Variants in DNM3 observed in about 807,000 individuals in gnomAD.
DNM3 encodes the protein dynamin-3.
DNM3 carries 47 observed loss-of-function variants against 101.6 expected under a neutral mutation model. The observed-to-expected ratio is 0.46, with a 90% CI of 0.37 to 0.59. DNM3 has a LOEUF of 0.59. Among genes scored for constraint, DNM3 ranks in the 20% least tolerant of loss-of-function variants. The pLI is 0.00. For missense variants in DNM3, 849 were observed against 1,085.7 expected, an observed-to-expected ratio of 0.78 and a Z score of 3.06; for synonymous variants, 385 against 387.9, an observed-to-expected ratio of 0.99 and a Z score of 0.09.
chr1:172,099,181 G>A lies in DNM3; in HGVS notation c.1545+6306G>A, dbSNP rs944638541. 9.2e-5 allele frequency among the ~76,000 whole-genome samples: 14 copies of A among 152,324 alleles called. No individual in the cohort carries two copies. In the East Asian group the frequency reaches 1.9e-3, roughly 21 times the overall value. On this transcript the variant is annotated intron_variant, in intron 13 of 20. Transcript: ENST00000627582. ...TCTCACATGAGTAGCTTTAATTGAT[G>A]TATTAATCAGGATAGATTAACCAGG...
chr1:172,323,940 A>G (rs1573471185), intron 17 of DNM3, among the ~76,000 whole-genome samples: 1 of 152,160 alleles, frequency 6.6e-6, no homozygotes, highest in Non-Finnish European at 1.5e-5. Context: ...GGGGTGGCCA[A>G]AATGTGTATG....
chr1:171,983,137 C>T (rs989530941), intron 2 of DNM3, among the ~76,000 whole-genome samples: 7 of 152,052 alleles, frequency 4.6e-5, no homozygotes, highest in African/African-American at 1.7e-4. Flanking sequence ...CCCTTCTCTC[C>T]TCTTCTTTAC....
chr1:171,981,972 T>A (rs1012130761), intron 2 of DNM3, among the ~76,000 whole-genome samples: 1 of 152,188 alleles, frequency 6.6e-6, no homozygotes, highest in Non-Finnish European at 1.5e-5. Context: ...ACTACTCACA[T>A]TGATGCTGGG....
rs538636548 is a variant in DNM3, at chr1:172,235,910, G to A, written c.1660-17663G>A. Reference sequence around the variant, plus strand: ...ACCTAATGCTACATGACGAGTTAATGGGTGCAGCACACCAACATGACACAT... The same window carrying A: ...ACCTAATGCTACATGACGAGTTAATAGGTGCAGCACACCAACATGACACAT... On this transcript the variant is annotated intron_variant, in intron 14 of 20. Transcript: ENST00000627582. 3.3e-4 allele frequency among the ~76,000 whole-genome samples: 50 copies of A among 152,190 alleles called. 1 individual carries two copies. Among genetic ancestry groups the A allele is most frequent in the African/African-American group, 1.1e-3 (46 of 41,522 alleles).
At chr1:172,155,300 A>T (rs1383558844) in intron 14 of DNM3, among the ~76,000 whole-genome samples, 1 of 151,964 alleles carries the variant, frequency 6.6e-6, no homozygotes, top group Non-Finnish European at 1.5e-5. Flanking sequence ...TTGCAAAAAA[A>T]AAAAAACCTG....
At chr1:171,927,664 C>T (rs1472092851) in intron 2 of DNM3, among the ~76,000 whole-genome samples, 2 of 152,078 alleles carry the variant, frequency 1.3e-5, no homozygotes, top group African/African-American at 4.8e-5. Context: ...ACATATACAC[C>T]ATGGAATACT....
intron 14 of DNM3, among the ~76,000 whole-genome samples, chr1:172,198,425 C>T (rs1220034482): frequency 1.3e-5 from 2 of 152,024 alleles, no homozygotes. Context: ...TGATGCTGGC[C>T]TCATAGATTA....
Position 172,089,680 on chromosome 1 carries a change from C to T in DNM3, c.1494-3144C>T, listed in dbSNP as rs535212927. On this transcript the variant is annotated intron_variant, in intron 12 of 20. Transcript: ENST00000627582. ...AAATAGAGGCAACTTAGTGTTTTTT[C>T]TAACTCTAATATTTGAGATTGGCTT... 2.0e-5 allele frequency among the ~76,000 whole-genome samples: 3 copies of T among 152,254 alleles called. No homozygotes were observed. In the East Asian group the frequency reaches 5.8e-4, roughly 29 times the overall value.
At chr1:171,986,719 C>T (rs933086896) in intron 2 of DNM3, among the ~76,000 whole-genome samples, 3 of 151,828 alleles carry the variant, frequency 2.0e-5, no homozygotes, top group Non-Finnish European at 4.4e-5. Flanking sequence ...CAGCCTCGAC[C>T]TCACAGGCTC....
chr1:172,354,863 G>A (rs2067371954), intron 17 of DNM3, among the ~76,000 whole-genome samples: 2 of 152,028 alleles, frequency 1.3e-5, no homozygotes, highest in Non-Finnish European at 2.9e-5. Flanking sequence ...TTGGGGAATT[G>A]GAACCAAGAC....
intron 13 of DNM3, among the ~76,000 whole-genome samples, chr1:172,096,871 A>C (rs115439652): frequency 6.6e-6 from 1 of 152,334 alleles, no homozygotes; most frequent in African/African-American, 2.4e-5. Context: ...GACAAACTAG[A>C]GATATGGGAA....
chr1:172,346,118 G>T (rs1439082409), intron 17 of DNM3, among the ~76,000 whole-genome samples: 6 of 90,118 alleles, frequency 6.7e-5, no homozygotes, highest in South Asian at 3.7e-4. Context: ...GCGAGACTCC[G>T]TCTCAAAAAA....
intron 17 of DNM3, among the ~76,000 whole-genome samples, chr1:172,323,726 G>A (rs1431701674): frequency 1.3e-5 from 2 of 152,176 alleles, no homozygotes; most frequent in Non-Finnish European, 2.9e-5. Context: ...AACCTCTTAT[G>A]TTAATGTGCA....
intron 14 of DNM3, among the ~76,000 whole-genome samples, chr1:172,231,670 C>A (rs554810234): frequency 6.6e-6 from 1 of 152,202 alleles, no homozygotes; most frequent in Non-Finnish European, 1.5e-5. Context: ...AGTTCGAACC[C>A]ATGGCAAAGA....
intron 1 of DNM3, among the ~76,000 whole-genome samples, chr1:171,880,090 A>C (rs1318626293): frequency 6.6e-6 from 1 of 152,184 alleles, no homozygotes; most frequent in Non-Finnish European, 1.5e-5. Flanking sequence ...TAAGAAGGCA[A>C]ATATGGAGAT....
chr1:172,053,081 C>A (rs10797736), intron 10 of DNM3, among the ~76,000 whole-genome samples: 4 of 151,818 alleles, frequency 2.6e-5, no homozygotes, highest in Non-Finnish European at 2.9e-5. Context: ...TGCCTATATC[C>A]TCAAAATTAT....
At chr1:172,197,680 G>A (rs2060002846) in intron 14 of DNM3, among the ~76,000 whole-genome samples, 2 of 151,968 alleles carry the variant, frequency 1.3e-5, no homozygotes, top group Non-Finnish European at 2.9e-5. Flanking sequence ...ACTTATGAAT[G>A]GGATTGCCTT....
At chr1:172,016,433 T>C (rs574443809) in intron 4 of DNM3, among the ~76,000 whole-genome samples, 61 of 152,246 alleles carry the variant, frequency 4.0e-4, no homozygotes, top group Admixed American at 7.9e-4. Context: ...CATTAATTGA[T>C]TTTCAAATGT....
At chr1:172,308,394 C>T (rs79688539) in intron 15 of DNM3, among the ~76,000 whole-genome samples, 2,086 of 152,222 alleles carry the variant, frequency 0.014, 45 homozygotes, top group African/African-American at 0.047. Context: ...ATTGATCTAG[C>T]GGCTGAGCAA....
Sources: gnomAD v4.1 joint callset for allele counts (sites outside exome capture counted in the v4.1 genomes callset) on GRCh38, gnomAD v4.1.1 for gene constraint, MANE v1.5 for transcripts, NCBI Gene and HGNC (gene_info 2026-07-23, HGNC 2026-07-21) for gene names.